The following KATNAL1 variants were observed in gnomAD, a reference collection of about 807,000 sequenced individuals.
KATNAL1 encodes katanin p60 ATPase-containing subunit A-like 1.
In KATNAL1, 32 loss-of-function variants were observed where a neutral mutation model predicts 55.2. The observed-to-expected ratio is 0.58, with a 90% CI of 0.44 to 0.78. The LOEUF is 0.78. Among genes scored for constraint, KATNAL1 ranks in the 30% least tolerant of loss-of-function variants. The pLI is 0.00. For synonymous variants in KATNAL1, 193 were observed against 193.6 expected (o/e 1.00, Z 0.02); for missense variants, 466 against 600.9 (o/e 0.78, Z 2.35).
At chr13:30,234,191 C>A (rs1251845113) in intron 6 of KATNAL1, among the ~76,000 whole-genome samples, 1 of 152,040 alleles carries the variant, frequency 6.6e-6, no homozygotes, top group African/African-American at 2.4e-5. Flanking sequence ...TGTTATGTAT[C>A]AATTCAAAAA....
chr13:30,271,233 AGAG>A (rs1418510237), intron 3 of KATNAL1, among the ~76,000 whole-genome samples: 1 of 152,242 alleles, frequency 6.6e-6, no homozygotes, highest in African/African-American at 2.4e-5. Context: ...CCCAACTTAT[AGAG>A]GAGGAAAATG....
chr13:30,279,260 C>T (rs755713520), intron 3 of KATNAL1, among the ~76,000 whole-genome samples: 1 of 152,084 alleles, frequency 6.6e-6, no homozygotes, highest in Non-Finnish European at 1.5e-5. Context: ...CCAAACCCTG[C>T]GTTAGCAATG....
At chr13:30,270,114 G>T (rs1392713026) in intron 3 of KATNAL1, among the ~76,000 whole-genome samples, 4 of 138,090 alleles carry the variant, frequency 2.9e-5, no homozygotes, top group African/African-American at 7.6e-5. Context: ...CCCCGTCCGG[G>T]AGGTGAGGGG....
intron 4 of KATNAL1, among the ~76,000 whole-genome samples, chr13:30,244,688 T>C (rs931048995): frequency 3.3e-5 from 5 of 152,030 alleles, no homozygotes; most frequent in East Asian, 3.9e-4. Context: ...AAGAATCAAA[T>C]AGACATAATA....
At chr13:30,235,936 G>A (rs904873486) in intron 6 of KATNAL1, among the ~76,000 whole-genome samples, 81 of 152,084 alleles carry the variant, frequency 5.3e-4, no homozygotes, top group African/African-American at 1.8e-3. Flanking sequence ...TATATGTATT[G>A]TATATGGTAT....
intron 3 of KATNAL1, among the ~76,000 whole-genome samples, chr13:30,270,046 G>C (rs1484098112): frequency 7.8e-6 from 1 of 128,526 alleles, no homozygotes; most frequent in African/African-American, 3.1e-5. Context: ...CCCCCGCCCG[G>C]CCAGCCGCCC....
chr13:30,254,863 C>A (rs1415809585), intron 4 of KATNAL1, among the ~76,000 whole-genome samples: 7 of 152,150 alleles, frequency 4.6e-5, no homozygotes, highest in Non-Finnish European at 1.0e-4. Context: ...TTATCTTCAA[C>A]CCACTGTCCT....
At position 30,283,688 on chromosome 13, in the gene KATNAL1, CT is replaced by C. The variant is rs1566128272; in HGVS notation, c.89del (p.Gln30ArgfsTer3). On this transcript the variant is annotated frameshift_variant, in exon 2 of 11. Coordinates refer to ENST00000380615, the MANE Select transcript of KATNAL1 (RefSeq NM_032116.5). LOFTEE classifies it high-confidence loss of function. ...GNYDSSMVYY[Q>X]GVMQQIQRHC... ...GTCTCTGAATCTGCTGCATCACCCC[CT>C]GGTAATATACCATTGATGAGTCGTA... is the stretch of plus-strand genomic sequence containing the variant. The C allele has an allele frequency of 1.2e-6, 2 of 1,614,072 alleles. No individual in the cohort carries two copies. Among genetic ancestry groups the C allele is most frequent in the Non-Finnish European group, 1.7e-6 (2 of 1,179,984 alleles).
intron 3 of KATNAL1, among the ~76,000 whole-genome samples, chr13:30,276,586 T>C (rs1243240189): frequency 6.6e-6 from 1 of 152,102 alleles, no homozygotes; most frequent in East Asian, 1.9e-4. Flanking sequence ...ACTTAAATTG[T>C]AATTTCAGTG....
intron 9 of KATNAL1, among the ~76,000 whole-genome samples, chr13:30,213,019 T>C (rs979928321): frequency 6.6e-6 from 1 of 152,196 alleles, no homozygotes; most frequent in Non-Finnish European, 1.5e-5. Flanking sequence ...CGGGACAAGA[T>C]GGCCACCTAT....
At chr13:30,301,215 C>G in intron 1 of KATNAL1, among the ~76,000 whole-genome samples, 1 of 152,046 alleles carries the variant, frequency 6.6e-6, no homozygotes, top group East Asian at 1.9e-4. Flanking sequence ...TAAAAAAGTA[C>G]AAAAATTAGC....
At chr13:30,275,202 G>A (rs1335690371) in intron 3 of KATNAL1, among the ~76,000 whole-genome samples, 1 of 152,150 alleles carries the variant, frequency 6.6e-6, no homozygotes, top group East Asian at 1.9e-4. Context: ...GGCTTATGGT[G>A]AGACCTCAGG....
intron 1 of KATNAL1, among the ~76,000 whole-genome samples, chr13:30,292,053 C>T (rs1400409708): frequency 6.6e-6 from 1 of 151,842 alleles, no homozygotes; most frequent in Non-Finnish European, 1.5e-5. Flanking sequence ...AATAAAGTTA[C>T]GGTAATCAAG....
intron 3 of KATNAL1, among the ~76,000 whole-genome samples, chr13:30,271,308 G>T (rs1470703485): frequency 6.6e-6 from 1 of 152,184 alleles, no homozygotes; most frequent in Non-Finnish European, 1.5e-5. Context: ...ACAAGAACCT[G>T]TTCTTGCACT....
chr13:30,265,564 C>T (rs1879696213), intron 3 of KATNAL1, among the ~76,000 whole-genome samples: 2 of 151,920 alleles, frequency 1.3e-5, no homozygotes, highest in Admixed American at 1.3e-4. Context: ...TCTTCAGAGG[C>T]TTACTTTGAT....
chr13:30,266,012 CAAAAAAAAAAA>C (rs776557665), intron 3 of KATNAL1, among the ~76,000 whole-genome samples: 7 of 35,362 alleles, frequency 2.0e-4, no homozygotes, highest in African/African-American at 8.0e-4. Flanking sequence ...AACTCCATCT[CAAAAAAAAAAA>C]AAAAAAAAAA....
intron 3 of KATNAL1, among the ~76,000 whole-genome samples, chr13:30,260,201 C>A (rs538629135): frequency 1.3e-5 from 2 of 152,202 alleles, no homozygotes; most frequent in Admixed American, 1.3e-4. Context: ...GAAAGGACAT[C>A]CACACCAAAA....
intron 1 of KATNAL1, among the ~76,000 whole-genome samples, chr13:30,289,730 CATG>C (rs1230312956): frequency 5.9e-5 from 9 of 152,088 alleles, no homozygotes; most frequent in Admixed American, 3.9e-4. Context: ...CTTGTTTTGA[CATG>C]ATGTGTATGC....
At chr13:30,254,474 G>C (rs1312428329) in intron 4 of KATNAL1, among the ~76,000 whole-genome samples, 1 of 152,072 alleles carries the variant, frequency 6.6e-6, no homozygotes, top group African/African-American at 2.4e-5. Flanking sequence ...CTCATAAATA[G>C]AAATATTCAG....
Sources: gnomAD v4.1 joint callset for allele counts (sites outside exome capture counted in the v4.1 genomes callset) on GRCh38, gnomAD v4.1.1 for gene constraint, MANE v1.5 for transcripts, NCBI Gene and HGNC (gene_info 2026-07-23, HGNC 2026-07-21) for gene names.